RNF150: variants seen among roughly 807,000 people sequenced by gnomAD.
The protein encoded by RNF150 is ring finger protein 150.
RNF150 carries 24 observed loss-of-function variants against 39.3 expected under a neutral mutation model. The ratio of observed to expected loss-of-function variants is 0.61; its 90% CI spans 0.44 to 0.86. RNF150 has a LOEUF of 0.86. Among genes scored for constraint, RNF150 ranks in the 40% least tolerant of loss-of-function variants. RNF150 has a pLI of 0.00. For synonymous variants in RNF150, 255 were observed against 227.3 expected (o/e 1.12, Z -1.10); for missense variants, 502 against 587.8 (o/e 0.85, Z 1.51).
intron 1 of RNF150, among the ~76,000 whole-genome samples, chr4:141,057,563 G>A (rs1737032463): frequency 6.6e-6 from 1 of 151,912 alleles, no homozygotes; most frequent in South Asian, 2.1e-4. Flanking sequence ...TCCCCTCCGA[G>A]TCCCCAAAGT....
At chr4:140,903,188 A>G (rs1730249868) in intron 6 of RNF150, among the ~76,000 whole-genome samples, 1 of 152,234 alleles carries the variant, frequency 6.6e-6, no homozygotes. Flanking sequence ...CCAAACCAGG[A>G]CTAAGACCCC....
chr4:141,205,901 A>C (rs979245695), intron 1 of RNF150, among the ~76,000 whole-genome samples: 1 of 152,116 alleles, frequency 6.6e-6, no homozygotes, highest in African/African-American at 2.4e-5. Flanking sequence ...AAGAGTTAAC[A>C]CTTATGATTG....
At chr4:141,010,937 T>C (rs76291280) in intron 1 of RNF150, among the ~76,000 whole-genome samples, 11,534 of 152,184 alleles carry the variant, frequency 0.076, 492 homozygotes, top group Middle Eastern at 0.16. Context: ...AAGCGCAGGC[T>C]CCCTCTTGCC....
chr4:140,914,773 A>T (rs750192724), intron 5 of RNF150, among the ~76,000 whole-genome samples: 11 of 152,228 alleles, frequency 7.2e-5, no homozygotes, highest in Non-Finnish European at 1.3e-4. Flanking sequence ...TTCCCGTAGC[A>T]AAATATAATG....
intron 4 of RNF150, among the ~76,000 whole-genome samples, chr4:140,932,567 G>A (rs1012423934): frequency 2.6e-5 from 4 of 152,170 alleles, no homozygotes; most frequent in Non-Finnish European, 4.4e-5. Flanking sequence ...AGGTAAGGGG[G>A]GTAGTTGGAG....
intron 1 of RNF150, among the ~76,000 whole-genome samples, chr4:141,017,496 C>A (rs1290913438): frequency 6.6e-6 from 1 of 152,172 alleles, no homozygotes; most frequent in African/African-American, 2.4e-5. Flanking sequence ...TGAGCCTACA[C>A]TGGCACATGA....
chr4:141,080,013 G>C (rs1321207278), intron 1 of RNF150, among the ~76,000 whole-genome samples: 1 of 152,024 alleles, frequency 6.6e-6, no homozygotes, highest in Non-Finnish European at 1.5e-5. Context: ...TGTAAGACAG[G>C]CACTATTCTC....
At chr4:140,954,761 A>T (rs913920347) in intron 2 of RNF150, among the ~76,000 whole-genome samples, 1 of 152,186 alleles carries the variant, frequency 6.6e-6, no homozygotes, top group Admixed American at 6.5e-5. Flanking sequence ...TAGTAATCTA[A>T]ATATTTAAGA....
chr4:140,943,513 CTT>C (rs376623128), intron 4 of RNF150, among the ~76,000 whole-genome samples: 2 of 152,162 alleles, frequency 1.3e-5, no homozygotes, highest in African/African-American at 4.8e-5. Context: ...GAAAACATTA[CTT>C]TTTTTCTGTG....
chr4:140,961,033 CA>C (rs1381487954), intron 2 of RNF150, among the ~76,000 whole-genome samples: 1 of 152,034 alleles, frequency 6.6e-6, no homozygotes, highest in Non-Finnish European at 1.5e-5. Context: ...ATTATCAAAG[CA>C]AAGATTTGAA....
At chr4:140,934,853 T>C (rs1174282354) in intron 4 of RNF150, among the ~76,000 whole-genome samples, 2 of 151,302 alleles carry the variant, frequency 1.3e-5, no homozygotes, top group Non-Finnish European at 2.9e-5. Context: ...TGAGTTAAGG[T>C]TTTCTTTTAA....
intron 1 of RNF150, among the ~76,000 whole-genome samples, chr4:141,121,083 CAG>C (rs931911917): frequency 9.2e-5 from 14 of 152,126 alleles, no homozygotes; most frequent in African/African-American, 3.4e-4. Flanking sequence ...ATTACATGCT[CAG>C]AGTCACCCCT....
intron 1 of RNF150, among the ~76,000 whole-genome samples, chr4:141,111,858 T>C (rs577125457): frequency 6.6e-6 from 1 of 152,312 alleles, no homozygotes; most frequent in African/African-American, 2.4e-5. Context: ...GTCGTGCTTT[T>C]ATTTTGACCT....
chr4:141,207,163 A>C (rs550621444), intron 1 of RNF150, among the ~76,000 whole-genome samples: 1 of 152,314 alleles, frequency 6.6e-6, no homozygotes, highest in South Asian at 2.1e-4. Flanking sequence ...AGACACACCC[A>C]GAAACAATAC....
intron 1 of RNF150, among the ~76,000 whole-genome samples, chr4:141,084,778 T>G (rs1018807759): frequency 6.6e-6 from 1 of 152,214 alleles, no homozygotes; most frequent in Non-Finnish European, 1.5e-5. Flanking sequence ...TTGACAAATG[T>G]CATCACAGTA....
intron 1 of RNF150, among the ~76,000 whole-genome samples, chr4:141,056,045 TA>T (rs1008236682): frequency 6.6e-6 from 1 of 152,144 alleles, no homozygotes. Flanking sequence ...ATCAAGAGGG[TA>T]ACTGTTGACT....
At chr4:141,203,879 A>AT (rs1728333091) in intron 1 of RNF150, among the ~76,000 whole-genome samples, 1 of 152,020 alleles carries the variant, frequency 6.6e-6, no homozygotes, top group African/African-American at 2.4e-5. Flanking sequence ...GAAAAAAAAA[A>AT]GTTCTTCTCT....
At chr4:141,051,285 T>G (rs1053512268) in intron 1 of RNF150, among the ~76,000 whole-genome samples, 1 of 152,190 alleles carries the variant, frequency 6.6e-6, no homozygotes, top group Non-Finnish European at 1.5e-5. Context: ...ACCTCTGACA[T>G]GCCCTGGAGA....
intron 4 of RNF150, among the ~76,000 whole-genome samples, chr4:140,927,337 A>G (rs921113224): frequency 6.6e-6 from 1 of 152,200 alleles, no homozygotes; most frequent in Non-Finnish European, 1.5e-5. Flanking sequence ...CCCTGCCCAA[A>G]TATCATGTCG....
Sources: gnomAD v4.1 joint callset for allele counts (sites outside exome capture counted in the v4.1 genomes callset) on GRCh38, gnomAD v4.1.1 for gene constraint, MANE v1.5 for transcripts, NCBI Gene and HGNC (gene_info 2026-07-23, HGNC 2026-07-21) for gene names.